VSTM2L: variants seen among roughly 807,000 people sequenced by gnomAD.
VSTM2L encodes V-set and transmembrane domain containing 2 like.
VSTM2L carries 9 observed loss-of-function variants against 19.9 expected under a neutral mutation model. The ratio of observed to expected loss-of-function variants is 0.45; its 90% CI spans 0.27 to 0.79. The LOEUF (loss-of-function observed/expected upper bound fraction) is 0.79. Among genes scored for constraint, VSTM2L ranks in the 30% least tolerant of loss-of-function variants. The probability of loss-of-function intolerance (pLI) is 0.15; values close to 1 mark genes in which losing one functional copy is unlikely to be tolerated. For missense variants in VSTM2L, 286 were observed against 295.5 expected (o/e 0.97, Z 0.24); for synonymous variants, 127 against 133.8 (o/e 0.95, Z 0.35).
intron 1 of VSTM2L, among the ~76,000 whole-genome samples, chr20:37,917,143 C>T (rs2072823055): frequency 2.0e-5 from 3 of 152,048 alleles, no homozygotes; most frequent in Non-Finnish European, 2.9e-5. Context: ...GAAAGCTTGT[C>T]TCTAGTAAAA....
At chr20:37,904,726 T>A (rs1358981855) in intron 1 of VSTM2L, among the ~76,000 whole-genome samples, 1 of 151,418 alleles carries the variant, frequency 6.6e-6, no homozygotes, top group Non-Finnish European at 1.5e-5. Flanking sequence ...TGGGAGTGAG[T>A]GGGGGTAAGG....
chr20:37,904,129 C>T (rs910138194), intron 1 of VSTM2L, among the ~76,000 whole-genome samples: 1 of 152,214 alleles, frequency 6.6e-6, no homozygotes, highest in Non-Finnish European at 1.5e-5. Flanking sequence ...GACCTTGTTT[C>T]TTGAGAACTG....
chr20:37,936,051 AT>A lies in VSTM2L; in HGVS notation c.342+2478del, dbSNP rs5841281. Among the ~76,000 whole-genome samples the A allele has an allele frequency of 2.3e-3, 319 of 138,908 alleles. 1 individual carries two copies. Among genetic ancestry groups the A allele is most frequent in the African/African-American group, 6.3e-3 (234 of 36,958 alleles). The allele number at this position is 138,908 out of a possible 152,430, so 91.1% of individuals were successfully genotyped here. ...AGGAACAGGCCACCATACCTAGCTA[AT>A]TTTTTTTTTTTTTTTGTATTTTTAG... On this transcript the variant is annotated intron_variant, in intron 3 of 3. Coordinates refer to ENST00000373461, the MANE Select transcript of VSTM2L (RefSeq NM_080607.3).
At chr20:37,904,803 G>C (rs566308975) in intron 1 of VSTM2L, among the ~76,000 whole-genome samples, 56 of 152,264 alleles carry the variant, frequency 3.7e-4, no homozygotes, top group African/African-American at 1.3e-3. Context: ...CCAGTGGAGA[G>C]GGGGGCTTCG....
Position 37,903,419 on chromosome 20 carries a change from CGCCACGCGGCCCGCCG to C in VSTM2L, c.78_93del (p.Ala28GlyfsTer18). On this transcript the variant is annotated frameshift_variant, in exon 1 of 4. Coordinates refer to ENST00000373461, the MANE Select transcript of VSTM2L (RefSeq NM_080607.3). LOFTEE classifies it high-confidence loss of function. Reference sequence around the variant, plus strand: ...TGGCACTTTTCCTGCAACTCGGCGGCGCCACGCGGCCCGCCGGCCACGCGCCCTGGGACAACCACGT... The same window carrying C: ...TGGCACTTTTCCTGCAACTCGGCGGCGCCACGCGCCCTGGGACAACCACGT... 1.3e-6 allele frequency: 2 copies of C among 1,488,540 alleles called. No individual in the cohort carries two copies. Among genetic ancestry groups the C allele is most frequent in the East Asian group, 2.9e-5 (1 of 34,318 alleles). 92.2% of individuals were successfully genotyped at this position (1,488,540 alleles called of 1,614,324 possible). A position where few individuals can be genotyped will look rare whatever the true frequency, so the allele number is the denominator to read the frequency against.
intron 1 of VSTM2L, among the ~76,000 whole-genome samples, chr20:37,929,563 G>C (rs925482302): frequency 6.6e-6 from 1 of 152,204 alleles, no homozygotes; most frequent in African/African-American, 2.4e-5. Flanking sequence ...GTGGTGAGTA[G>C]AGCAGGGACA....
intron 3 of VSTM2L, among the ~76,000 whole-genome samples, chr20:37,934,950 C>T (rs966031525): frequency 2.0e-5 from 3 of 152,300 alleles, no homozygotes; most frequent in African/African-American, 4.8e-5. Flanking sequence ...CTGCCAAGGG[C>T]GCATCCATAT....
intron 1 of VSTM2L, among the ~76,000 whole-genome samples, chr20:37,922,976 T>C (rs2072860657): frequency 6.6e-6 from 1 of 152,190 alleles, no homozygotes; most frequent in African/African-American, 2.4e-5. Context: ...TAGCCATCTT[T>C]CTGGAGATGA....
chr20:37,906,235 T>C (rs1431597002), intron 1 of VSTM2L, among the ~76,000 whole-genome samples: 2 of 152,074 alleles, frequency 1.3e-5, no homozygotes, highest in Non-Finnish European at 2.9e-5. Flanking sequence ...AGAAAGGACA[T>C]CTGTTTTGCT....
chr20:37,914,402 A>G (rs375271503), intron 1 of VSTM2L, among the ~76,000 whole-genome samples: 4 of 2,470 alleles, frequency 1.6e-3, no homozygotes, highest in African/African-American at 3.5e-3. Context: ...GTGTGTATGT[A>G]TGTGTGGGTA....
At position 37,944,396 on chromosome 20, in the gene VSTM2L, C is replaced by T; in HGVS notation, c.*143C>T. 7.8e-7 allele frequency: 1 copy of T among 1,283,790 alleles called. No homozygotes were observed. Among genetic ancestry groups the T allele is most frequent in the Non-Finnish European group, 1.0e-6 (1 of 987,614 alleles). The allele number at this position is 1,283,790 out of a possible 1,614,324, so 79.5% of individuals were successfully genotyped here. Reference sequence around the variant, plus strand: ...GTGGCCACCATGTCGGCCCTCTTTCCACCACCCCTTGCTCAGCATGTAAGC... The same window carrying T: ...GTGGCCACCATGTCGGCCCTCTTTCTACCACCCCTTGCTCAGCATGTAAGC... On this transcript the variant is annotated 3_prime_UTR_variant, in exon 4 of 4. Transcript: ENST00000373461.
chr20:37,930,083 G>T (rs561899145), intron 1 of VSTM2L, among the ~76,000 whole-genome samples: 1 of 152,312 alleles, frequency 6.6e-6, no homozygotes, highest in African/African-American at 2.4e-5. Context: ...CAGCAAGCGG[G>T]GAGCCTCCAT....
rs79842994 is a variant in VSTM2L, at chr20:37,920,062, A to G, written c.122-11573A>G. Among the ~76,000 whole-genome samples, 329 of 152,294 alleles carry G rather than the reference A, an allele frequency of 2.2e-3. 5 individuals are homozygous for G. Among genetic ancestry groups the G allele is most frequent in the African/African-American group, 7.7e-3 (319 of 41,554 alleles). On this transcript the variant is annotated intron_variant, in intron 1 of 3. Transcript: ENST00000373461. ...CTTTGGTTTTCTCACGCTGCTGGAA[A>G]AGGGCCAGGTATGGAAGTGGGCAGT...
chr20:37,944,430 C>T lies in VSTM2L; in HGVS notation c.*177C>T. ...TTGCTCAGCATGTAAGCCCCACCCA[C>T]CCCTGCCCTTTCAGACCCCTGCGGT... On this transcript the variant is annotated 3_prime_UTR_variant, in exon 4 of 4. Coordinates refer to ENST00000373461, the MANE Select transcript of VSTM2L (RefSeq NM_080607.3). The T allele has an allele frequency of 8.8e-7, 1 of 1,132,284 alleles. No individual in the cohort carries two copies. Among genetic ancestry groups the T allele is most frequent in the Non-Finnish European group, 1.2e-6 (1 of 867,232 alleles). The allele number at this position is 1,132,284 out of a possible 1,614,324, so 70.1% of individuals were successfully genotyped here. A position where few individuals can be genotyped will look rare whatever the true frequency, so the allele number is the denominator to read the frequency against.
Position 37,936,823 on chromosome 20 carries a change from A to G in VSTM2L, c.342+3234A>G, listed in dbSNP as rs74922700. Among the ~76,000 whole-genome samples the G allele has an allele frequency of 4.2e-3, 638 of 152,248 alleles. 4 individuals are homozygous for G. Among genetic ancestry groups the G allele is most frequent in the African/African-American group, 0.015 (615 of 41,532 alleles). Reference sequence around the variant, plus strand: ...ACTGTAAAGTGCCATGGATTAGGCTATGTGAGTGACAGTGGTTCCTAGGGT... The same window carrying G: ...ACTGTAAAGTGCCATGGATTAGGCTGTGTGAGTGACAGTGGTTCCTAGGGT... On this transcript the variant is annotated intron_variant, in intron 3 of 3. Transcript: ENST00000373461.
intron 3 of VSTM2L, 63 bp from the exon 4 acceptor site, chr20:37,943,918 C>CGGGG: frequency 5.7e-6 from 5 of 871,862 alleles, no homozygotes; most frequent in Non-Finnish European, 7.5e-6. Flanking sequence ...ACCCCCCCCC[C>CGGGG]CGACTCTTCT....
intron 1 of VSTM2L, among the ~76,000 whole-genome samples, chr20:37,904,318 A>T (rs1165606848): frequency 6.6e-6 from 1 of 152,174 alleles, no homozygotes; most frequent in Non-Finnish European, 1.5e-5. Flanking sequence ...CCATCCTTCC[A>T]TAGGGTACCC....
At chr20:37,931,516 A>ACCCCCACCACCCAACCCCC in intron 1 of VSTM2L, 119 bp from the exon 2 acceptor site, 1 of 850,222 alleles carries the variant, frequency 1.2e-6, no homozygotes, top group Non-Finnish European at 1.8e-6. Flanking sequence ...AGGTCACCCC[A>ACCCCCACCACCCAACCCCC]CCCCCTCCAC....
chr20:37,940,097 A>G (rs879409022), intron 3 of VSTM2L, among the ~76,000 whole-genome samples: 8 of 152,040 alleles, frequency 5.3e-5, no homozygotes, highest in Non-Finnish European at 8.8e-5. Flanking sequence ...TTGGATTATT[A>G]CTCCATTAGC....
Sources: allele counts gnomAD v4.1 joint callset (sites outside exome capture counted in the v4.1 genomes callset), GRCh38; gene constraint gnomAD v4.1.1; transcripts MANE v1.5; gene names NCBI Gene and HGNC (gene_info 2026-07-23, HGNC 2026-07-21).